PRKN: variants seen among roughly 807,000 people sequenced by gnomAD.
PRKN encodes the protein parkin RBR E3 ubiquitin protein ligase.
In PRKN, 56 loss-of-function variants were observed where a neutral mutation model predicts 59.5. The observed-to-expected ratio is 0.94, with a 90% CI of 0.76 to 1.18. The LOEUF is 1.18. PRKN is among the 50% of genes most tolerant of loss of function. The probability of loss-of-function intolerance (pLI) is 0.00; values close to 1 mark genes in which losing one functional copy is unlikely to be tolerated. For missense variants in PRKN, 657 were observed against 596.4 expected (o/e 1.10, Z -1.06); for synonymous variants, 250 against 222.1 (o/e 1.13, Z -1.12).
rs559145571 is a variant in PRKN at position 161,579,083 on chromosome 6, T to A, written c.872-9667A>T. On this transcript the variant is annotated intron_variant, in intron 7 of 11. Transcript: ENST00000366898. The surrounding 1 kb of genome is among the most constrained non-coding windows in gnomAD (Gnocchi z 4.2). ...GTGAAAAGGGATCCTTATCCATTATTTTCTTTCTCCTGCTGCTCTCAAAAG... is the reference window on the plus strand; with the variant it reads ...GTGAAAAGGGATCCTTATCCATTATATTCTTTCTCCTGCTGCTCTCAAAAG... Among the ~76,000 whole-genome samples, 1 of 152,346 alleles carries A rather than the reference T, an allele frequency of 6.6e-6. No individual in the cohort carries two copies. The highest frequency in any genetic ancestry group is 1.9e-4 in the East Asian group (1 of 5,180).
At position 161,579,841 on chromosome 6, in the gene PRKN, C is replaced by T. The variant is rs1299055863; in HGVS notation, c.872-10425G>A. ...ATTTTAAATTCATTTCAGTACTTTC[C>T]CTTGTCACTTTAGTTCTGTGCATTT... On this transcript the variant is annotated intron_variant, in intron 7 of 11. Coordinates refer to ENST00000366898, the MANE Select transcript of PRKN (RefSeq NM_004562.3). The surrounding 1 kb of genome is among the most constrained non-coding windows in gnomAD (Gnocchi z 4.2). 6.6e-6 allele frequency among the ~76,000 whole-genome samples: 1 copy of T among 152,076 alleles called. No homozygotes were observed. The highest frequency in any genetic ancestry group is 2.4e-5 in the African/African-American group (1 of 41,468).
intron 4 of PRKN, among the ~76,000 whole-genome samples, chr6:162,136,255 C>A (rs1418696608): frequency 6.6e-6 from 1 of 151,862 alleles, no homozygotes; most frequent in African/African-American, 2.4e-5. Context: ...AAAGGAACAT[C>A]CAGGAAAAAC....
intron 6 of PRKN, among the ~76,000 whole-genome samples, chr6:161,942,147 T>G (rs1023663753): frequency 4.6e-5 from 7 of 151,982 alleles, no homozygotes; most frequent in African/African-American, 1.7e-4. Context: ...TGCAGAACAT[T>G]TTACTTCAGT....
In PRKN at chr6:162,234,347, T is replaced by A. The variant is rs1397446719; in HGVS notation, c.412+28178A>T. On this transcript the variant is annotated intron_variant, in intron 3 of 11. Transcript: ENST00000366898. ...GATTCTGAATTTTGATTTATTTCAG[T>A]TCAGTTTATATACTAAAAGGTTTGA... 3.3e-5 allele frequency among the ~76,000 whole-genome samples: 5 copies of A among 152,278 alleles called. No individual in the cohort carries two copies. In the East Asian group the frequency reaches 9.7e-4, roughly 29 times the overall value.
At chr6:162,513,870 A>T (rs1777734578) in intron 1 of PRKN, among the ~76,000 whole-genome samples, 1 of 152,092 alleles carries the variant, frequency 6.6e-6, no homozygotes, top group Non-Finnish European at 1.5e-5. Flanking sequence ...CCTGGCTAAC[A>T]TGGTGAAACC....
intron 6 of PRKN, among the ~76,000 whole-genome samples, chr6:161,848,069 T>C (rs1793273159): frequency 6.6e-6 from 1 of 152,212 alleles, no homozygotes; most frequent in South Asian, 2.1e-4. Flanking sequence ...CTGGAATTAT[T>C]GTCTGAGGTC....
rs111962317 is a variant in PRKN, at chr6:161,765,854, C to T, written c.871+19918G>A. On this transcript the variant is annotated intron_variant, in intron 7 of 11. Transcript: ENST00000366898. ...TTTGTTGAAATGAAGAGAAAGTAAACAGTCTCTAACTGAAACGAGCATGTT... is the reference window on the plus strand; with the variant it reads ...TTTGTTGAAATGAAGAGAAAGTAAATAGTCTCTAACTGAAACGAGCATGTT... 8.4e-3 allele frequency among the ~76,000 whole-genome samples: 1,281 copies of T among 152,212 alleles called. 20 individuals carry two copies. The highest frequency in any genetic ancestry group is 0.029 in the African/African-American group (1,218 of 41,544).
chr6:162,259,828 G>C (rs1169220140), intron 3 of PRKN, among the ~76,000 whole-genome samples: 1 of 152,132 alleles, frequency 6.6e-6, no homozygotes, highest in Non-Finnish European at 1.5e-5. Context: ...ACAGTTAATT[G>C]GACAAAAACT....
intron 6 of PRKN, among the ~76,000 whole-genome samples, chr6:161,909,140 A>G (rs1242967801): frequency 6.6e-6 from 1 of 152,194 alleles, no homozygotes; most frequent in Non-Finnish European, 1.5e-5. Context: ...GCTCACACAA[A>G]TGATTCATAG....
In PRKN at chr6:162,176,929, C is replaced by CTTTT. The variant is rs5881458; in HGVS notation, c.534+24198_534+24201dup. Among the ~76,000 whole-genome samples, 1,265 of 145,674 alleles carry CTTTT rather than the reference C, an allele frequency of 8.7e-3. 17 individuals carry two copies. Among genetic ancestry groups the CTTTT allele is most frequent in the African/African-American group, 0.029 (1,159 of 39,548 alleles). ...TCAGACTCTGAACACAATGAAATTCCTTTTTTTTTTTTTTGGGAAAAGGAG... is the reference window on the plus strand; with the variant it reads ...TCAGACTCTGAACACAATGAAATTCCTTTTTTTTTTTTTTTTTTGGGAAAAGGAG... On this transcript the variant is annotated intron_variant, in intron 4 of 11. Coordinates refer to ENST00000366898, the MANE Select transcript of PRKN (RefSeq NM_004562.3).
chr6:162,310,628 G>A (rs547673589), intron 2 of PRKN, among the ~76,000 whole-genome samples: 2 of 151,930 alleles, frequency 1.3e-5, no homozygotes, highest in South Asian at 4.2e-4. Context: ...ATAGCATTAG[G>A]AGATATACCT....
In PRKN at chr6:161,359,998, G is replaced by C; in HGVS notation, c.1285+90C>G. On this transcript the variant is annotated intron_variant, in intron 11 of 11. Transcript: ENST00000366898. The surrounding 1 kb of genome is among the most constrained non-coding windows in gnomAD (Gnocchi z 5.4). ...CCAACACACCAGGCACCTTCAGACAGCATCTCCTTTAATCCTGGAATCCCT... is the reference window on the plus strand; with the variant it reads ...CCAACACACCAGGCACCTTCAGACACCATCTCCTTTAATCCTGGAATCCCT... 1.1e-6 allele frequency: 1 copy of C among 949,110 alleles called. No homozygotes were observed. The highest frequency in any genetic ancestry group is 1.7e-6 in the Non-Finnish European group (1 of 574,144). The allele number at this position is 949,110 out of a possible 1,614,324, so 58.8% of individuals were successfully genotyped here. A position where few individuals can be genotyped will look rare whatever the true frequency, so the allele number is the denominator to read the frequency against.
At chr6:161,792,548 C>A (rs914602599) in intron 6 of PRKN, among the ~76,000 whole-genome samples, 4 of 152,142 alleles carry the variant, frequency 2.6e-5, no homozygotes, top group Admixed American at 2.6e-4. Flanking sequence ...TGAAAAGCAG[C>A]ACAAGTTAAA....
chr6:162,470,685 C>T (rs1364375108), intron 1 of PRKN, among the ~76,000 whole-genome samples: 1 of 152,206 alleles, frequency 6.6e-6, no homozygotes, highest in Admixed American at 6.6e-5. Context: ...TGAGAGGATA[C>T]TTGGTGCTAG....
rs1789539761 is a variant in PRKN, at chr6:161,447,377, T to C, written c.1084-60500A>G. 6.6e-6 allele frequency among the ~76,000 whole-genome samples: 1 copy of C among 152,252 alleles called. No individual in the cohort carries two copies. Among genetic ancestry groups the C allele is most frequent in the Admixed American group, 6.5e-5 (1 of 15,290 alleles). ...GAACTGAACTCATTAGAAATGAATT[T>C]ACATTTTGATTTAGTTATAAATAAC... is the stretch of plus-strand genomic sequence containing the variant. On this transcript the variant is annotated intron_variant, in intron 9 of 11. Coordinates refer to ENST00000366898, the MANE Select transcript of PRKN (RefSeq NM_004562.3). The surrounding 1 kb of genome is among the most constrained non-coding windows in gnomAD (Gnocchi z 4.1).
intron 5 of PRKN, among the ~76,000 whole-genome samples, chr6:162,032,321 G>T (rs1025809076): frequency 2.6e-5 from 4 of 152,060 alleles, no homozygotes; most frequent in African/African-American, 9.7e-5. Context: ...AGGCAAATAT[G>T]ATCATAAGAT....
chr6:162,036,025 C>G (rs1783824111), intron 5 of PRKN, among the ~76,000 whole-genome samples: 1 of 152,050 alleles, frequency 6.6e-6, no homozygotes, highest in Non-Finnish European at 1.5e-5. Context: ...AGACATAACG[C>G]CATAAAGAAA....
intron 7 of PRKN, among the ~76,000 whole-genome samples, chr6:161,682,499 G>A (rs962577691): frequency 6.6e-6 from 1 of 152,144 alleles, no homozygotes; most frequent in African/African-American, 2.4e-5. Context: ...ACTACCCTGG[G>A]CAGAGGCAGG....
At chr6:162,727,593 G>A in intron 1 of PRKN, 69 bp downstream of exon 1, 8 of 1,502,638 alleles carry the variant, frequency 5.3e-6, no homozygotes, top group South Asian at 1.2e-5. Flanking sequence ...GTCGGCCGAG[G>A]CGGGGCGTGG....
Sources: gnomAD v4.1 joint callset for allele counts (sites outside exome capture counted in the v4.1 genomes callset) on GRCh38, gnomAD v4.1.1 for gene constraint, Gnocchi (gnomAD v3.1) non-coding constraint, MANE v1.5 for transcripts, NCBI Gene and HGNC (gene_info 2026-07-23, HGNC 2026-07-21) for gene names.